The following SFXN5 variants were observed in gnomAD, a reference collection of about 807,000 sequenced individuals.
The protein encoded by SFXN5 is sideroflexin-5.
A neutral mutation model predicts 50.2 loss-of-function variants in SFXN5; 43 were observed. The observed-to-expected ratio is 0.86, with a 90% confidence interval of 0.67 to 1.11. SFXN5 has a LOEUF of 1.11. Among genes scored for constraint, SFXN5 ranks in the 50% least tolerant of loss-of-function variants. SFXN5 has a pLI of 0.00. For synonymous variants in SFXN5, 203 were observed against 185.8 expected (o/e 1.09, Z -0.75); for missense variants, 463 against 454.1 (o/e 1.02, Z -0.18).
intron 1 of SFXN5, among the ~76,000 whole-genome samples, chr2:73,066,482 C>T (rs577164605): frequency 2.6e-5 from 4 of 151,812 alleles, no homozygotes; most frequent in Admixed American, 2.6e-4. Context: ...CACTTGAACC[C>T]GGGAGGCGGA....
At chr2:72,987,524 G>A (rs1473997876) in intron 10 of SFXN5, among the ~76,000 whole-genome samples, 5 of 152,054 alleles carry the variant, frequency 3.3e-5, no homozygotes, top group Admixed American at 3.3e-4. Flanking sequence ...TTGGGAGGGT[G>A]AGGCAGGTGG....
At chr2:73,047,253 T>TATATATATATATATATATATACACACAC (rs1559199656) in intron 2 of SFXN5, among the ~76,000 whole-genome samples, 43 of 45,112 alleles carry the variant, frequency 9.5e-4, no homozygotes, top group Non-Finnish European at 1.2e-3. Flanking sequence ...AAAATATATA[T>TATATATATATATATATATATACACACAC]ATATATATAT....
chr2:72,990,567 A>G (rs1672474720), intron 9 of SFXN5, among the ~76,000 whole-genome samples: 1 of 152,242 alleles, frequency 6.6e-6, no homozygotes, highest in Non-Finnish European at 1.5e-5. Flanking sequence ...GAGGCCACTC[A>G]GCACATATTC....
chr2:73,022,212 AC>A (rs1207211986), intron 5 of SFXN5, among the ~76,000 whole-genome samples: 20 of 152,300 alleles, frequency 1.3e-4, no homozygotes, highest in Middle Eastern at 3.4e-3. Context: ...AGCAGGCATC[AC>A]TGAGGCTGTC....
At chr2:73,039,755 T>C (rs539320618) in intron 3 of SFXN5, among the ~76,000 whole-genome samples, 7 of 151,818 alleles carry the variant, frequency 4.6e-5, no homozygotes, top group African/African-American at 9.7e-5. Flanking sequence ...AGGGAACATA[T>C]ACTATTTTTC....
At chr2:73,023,278 G>A in intron 3 of SFXN5, 64 bp from the exon 4 acceptor site, 1 of 1,484,804 alleles carries the variant, frequency 6.7e-7, no homozygotes, top group Non-Finnish European at 9.1e-7. Context: ...TCGGTTTAAG[G>A]CTTCCAACCC....
At chr2:72,949,742 G>T (rs1672325519) in intron 13 of SFXN5, among the ~76,000 whole-genome samples, 1 of 152,160 alleles carries the variant, frequency 6.6e-6, no homozygotes, top group African/African-American at 2.4e-5. Flanking sequence ...GCCCTATGAT[G>T]CTGCCAGTGG....
intron 1 of SFXN5, chr2:73,059,813 C>A: frequency 1.0e-6 from 1 of 968,070 alleles, no homozygotes; most frequent in Non-Finnish European, 1.2e-6. Flanking sequence ...GCTGTCCTGG[C>A]AAAATTTCAC....
At chr2:73,016,476 G>A (rs746536342) in intron 6 of SFXN5, among the ~76,000 whole-genome samples, 8 of 152,134 alleles carry the variant, frequency 5.3e-5, no homozygotes, top group Non-Finnish European at 7.4e-5. Flanking sequence ...AGGCTGAGGC[G>A]AGTGGATCAC....
chr2:73,013,406 C>T (rs1211109503), intron 6 of SFXN5, among the ~76,000 whole-genome samples: 2 of 139,718 alleles, frequency 1.4e-5, no homozygotes, highest in African/African-American at 5.3e-5. Context: ...AGGGATATTT[C>T]GTGTGTGTGT....
intron 1 of SFXN5, chr2:73,070,436 G>GA (rs1161712706): frequency 3.3e-4 from 49 of 150,166 alleles, no homozygotes; most frequent in African/African-American, 1.0e-3. Flanking sequence ...AACAAAAAAA[G>GA]AAAAAAAAAG....
intron 1 of SFXN5, chr2:73,059,455 GA>G: frequency 1.0e-6 from 1 of 985,366 alleles, no homozygotes; most frequent in African/African-American, 1.7e-5. Flanking sequence ...CACAGTGGAG[GA>G]AACAGAAGCC....
chr2:73,031,354 G>A (rs192479032), intron 3 of SFXN5, among the ~76,000 whole-genome samples: 107 of 152,352 alleles, frequency 7.0e-4, no homozygotes, highest in African/African-American at 2.3e-3. Context: ...AAGATAGCAC[G>A]ACGCCCAAAG....
Position 72,945,000 on chromosome 2 carries a change from G to A in SFXN5, c.*22C>T, listed in dbSNP as rs774507263. The stretch of plus-strand genomic sequence containing the variant: ...CAGCTCCCCGGCTGCACAGTGCTCC[G>A]TCCCCAGGCCGCTGACCACACTCAC... On this transcript the variant is annotated 3_prime_UTR_variant, in exon 14 of 14. Coordinates refer to ENST00000272433, the MANE Select transcript of SFXN5 (RefSeq NM_144579.3). 40 of 1,610,314 alleles carry A rather than the reference G, an allele frequency of 2.5e-5. 1 individual carries two copies. The highest frequency in any genetic ancestry group is 1.2e-4 in the African/African-American group (9 of 74,820).
Position 72,945,286 on chromosome 2 carries a change from G to A in SFXN5, c.946-187C>T, listed in dbSNP as rs982630653. Among the ~76,000 whole-genome samples the A allele has an allele frequency of 8.0e-4, 121 of 152,032 alleles. 1 individual carries two copies. The highest frequency in any genetic ancestry group is 1.9e-4 in the Non-Finnish European group (13 of 67,972). ...CCTTCTCCACCGCCCTCCCGCCGCGGGGCTCACAGCATCCCTTCCAGCCCA... is the reference window on the plus strand; with the variant it reads ...CCTTCTCCACCGCCCTCCCGCCGCGAGGCTCACAGCATCCCTTCCAGCCCA... On this transcript the variant is annotated intron_variant, in intron 13 of 13. Coordinates refer to ENST00000272433, the MANE Select transcript of SFXN5 (RefSeq NM_144579.3). The surrounding 1 kb of genome is among the most constrained non-coding windows in gnomAD (Gnocchi z 5.8).
At chr2:73,058,867 G>A (rs17008631) in intron 1 of SFXN5, 132,460 of 469,410 alleles carry the variant, frequency 0.28, 23,179 homozygotes, top group African/African-American at 0.59. Context: ...CTCTCTCCCA[G>A]TGCCCTGAGA....
At chr2:72,998,770 G>A (rs1040363976) in intron 9 of SFXN5, 179 bp downstream of exon 9, 4 of 636,462 alleles carry the variant, frequency 6.3e-6, no homozygotes, top group South Asian at 5.9e-5. Context: ...ACCAGGTTGT[G>A]CTCTGTCTAC....
intron 2 of SFXN5, among the ~76,000 whole-genome samples, chr2:73,054,381 T>A (rs1681813179): frequency 6.6e-6 from 1 of 152,226 alleles, no homozygotes; most frequent in Non-Finnish European, 1.5e-5. Context: ...TAGTTTTTTT[T>A]AAGTATGAAA....
intron 3 of SFXN5, among the ~76,000 whole-genome samples, chr2:73,030,678 G>A (rs993587057): frequency 1.0e-4 from 7 of 68,536 alleles, no homozygotes; most frequent in African/African-American, 7.3e-4. Flanking sequence ...TGGAAACCGC[G>A]TCTGCTTTCT....
Sources: gnomAD v4.1 joint callset for allele counts (sites outside exome capture counted in the v4.1 genomes callset) on GRCh38, gnomAD v4.1.1 for gene constraint, Gnocchi (gnomAD v3.1) non-coding constraint, MANE v1.5 for transcripts, NCBI Gene and HGNC (gene_info 2026-07-23, HGNC 2026-07-21) for gene names.